CYSTM1: variants seen among roughly 807,000 people sequenced by gnomAD.
CYSTM1 encodes cysteine-rich transmembrane module-containing protein 1.
CYSTM1 carries 4 observed loss-of-function variants against 13.1 expected under a neutral mutation model. The observed-to-expected ratio is 0.31, with a 90% CI of 0.15 to 0.70. The LOEUF (loss-of-function observed/expected upper bound fraction) is 0.70. Ranked by LOEUF, CYSTM1 falls within the 30% of genes least tolerant of loss-of-function variation. The pLI, the probability that CYSTM1 is intolerant of heterozygous loss-of-function variation, is 0.72. For missense variants in CYSTM1, 96 were observed against 121.6 expected, an observed-to-expected ratio of 0.79 and a Z score of 0.99; for synonymous variants, 36 against 42.7, an observed-to-expected ratio of 0.84 and a Z score of 0.62.
chr5:140,214,650 T>C (rs1764407911), intron 2 of CYSTM1, among the ~76,000 whole-genome samples: 1 of 152,244 alleles, frequency 6.6e-6, no homozygotes, highest in Non-Finnish European at 1.5e-5. Context: ...GACACACATA[T>C]GCCTATTATC....
At chr5:140,216,923 G>T (rs928084224) in intron 2 of CYSTM1, among the ~76,000 whole-genome samples, 2 of 152,018 alleles carry the variant, frequency 1.3e-5, no homozygotes, top group African/African-American at 4.8e-5. Flanking sequence ...ACGCATTCTC[G>T]TTCTGGGGGT....
intron 1 of CYSTM1, among the ~76,000 whole-genome samples, chr5:140,180,923 A>C (rs923638440): frequency 1.6e-4 from 25 of 152,328 alleles, no homozygotes; most frequent in Middle Eastern, 3.4e-3. Flanking sequence ...TCCTATCACT[A>C]GTTTCCTGAT....
intron 2 of CYSTM1, among the ~76,000 whole-genome samples, chr5:140,227,016 G>A (rs1198501605): frequency 1.3e-5 from 2 of 152,232 alleles, no homozygotes; most frequent in Admixed American, 1.3e-4. Flanking sequence ...AGAAAGCGGA[G>A]TATGATGGAT....
chr5:140,205,107 A>T (rs1044545155), intron 2 of CYSTM1, among the ~76,000 whole-genome samples: 5 of 152,194 alleles, frequency 3.3e-5, no homozygotes, highest in African/African-American at 1.2e-4. Flanking sequence ...TATGTTGGGA[A>T]CTACCCAGTG....
At chr5:140,206,722 C>G (rs1314203042) in intron 2 of CYSTM1, among the ~76,000 whole-genome samples, 2 of 152,168 alleles carry the variant, frequency 1.3e-5, no homozygotes, top group East Asian at 3.8e-4. Flanking sequence ...CCTTGACTTC[C>G]TGGGCTCAAG....
chr5:140,242,770 C>T (rs1005110777), intron 2 of CYSTM1, among the ~76,000 whole-genome samples: 1 of 152,230 alleles, frequency 6.6e-6, no homozygotes, highest in Admixed American at 6.5e-5. Context: ...GGTTTTCATC[C>T]CTGCCTTCCT....
intron 1 of CYSTM1, among the ~76,000 whole-genome samples, chr5:140,181,014 T>C (rs1763954907): frequency 6.6e-6 from 1 of 152,190 alleles, no homozygotes; most frequent in Non-Finnish European, 1.5e-5. Context: ...CTAGGCATGC[T>C]TCTTATTCAG....
intron 2 of CYSTM1, among the ~76,000 whole-genome samples, chr5:140,233,393 C>T (rs1017556631): frequency 2.0e-5 from 3 of 152,170 alleles, no homozygotes; most frequent in Non-Finnish European, 2.9e-5. Flanking sequence ...TATTCATTCA[C>T]CTGTTGAAGG....
At chr5:140,190,154 G>T (rs1764073572) in intron 1 of CYSTM1, among the ~76,000 whole-genome samples, 1 of 152,116 alleles carries the variant, frequency 6.6e-6, no homozygotes, top group African/African-American at 2.4e-5. Context: ...TTTAAAGAAA[G>T]TTGAGACATG....
rs549237576 is a variant in CYSTM1, at chr5:140,215,188, A to G, written c.187+20536A>G. ...CACTCTCAGGAGAACTGTCTATACT[A>G]GTAGAATTTGGTGCCTTTTAAAAAA... On this transcript the variant is annotated intron_variant, in intron 2 of 2. Transcript: ENST00000261811. Among the ~76,000 whole-genome samples the G allele has an allele frequency of 2.0e-5, 3 of 152,348 alleles. No individual in the cohort carries two copies. The South Asian group carries it at 6.2e-4, about 32-fold the overall frequency.
At chr5:140,178,612 T>C (rs1763921561) in intron 1 of CYSTM1, among the ~76,000 whole-genome samples, 1 of 151,732 alleles carries the variant, frequency 6.6e-6, no homozygotes, top group African/African-American at 2.4e-5. Context: ...GTTTTTTTAA[T>C]TTTTTTGAGA....
At chr5:140,225,290 G>A (rs1680345866) in intron 2 of CYSTM1, among the ~76,000 whole-genome samples, 1 of 152,260 alleles carries the variant, frequency 6.6e-6, no homozygotes, top group African/African-American at 2.4e-5. Context: ...GGACTGGCAG[G>A]TGGTGTAGGC....
At chr5:140,205,873 G>A (rs1419072712) in intron 2 of CYSTM1, among the ~76,000 whole-genome samples, 1 of 152,082 alleles carries the variant, frequency 6.6e-6, no homozygotes, top group African/African-American at 2.4e-5. Context: ...CAGCTCCAAA[G>A]TCATCTCTCA....
chr5:140,221,059 C>G (rs1310632081), intron 2 of CYSTM1, among the ~76,000 whole-genome samples: 3 of 152,098 alleles, frequency 2.0e-5, no homozygotes, highest in Non-Finnish European at 2.9e-5. Flanking sequence ...AGTTTCTTAG[C>G]TATTTAGGAG....
intron 1 of CYSTM1, among the ~76,000 whole-genome samples, chr5:140,187,450 A>T (rs1196190897): frequency 6.6e-6 from 1 of 152,048 alleles, no homozygotes; most frequent in Admixed American, 6.6e-5. Flanking sequence ...CCTCAGCCTC[A>T]ATCTCCCAGG....
chr5:140,235,885 A>G (rs575787451), intron 2 of CYSTM1, among the ~76,000 whole-genome samples: 25 of 152,138 alleles, frequency 1.6e-4, no homozygotes, highest in Non-Finnish European at 3.7e-4. Context: ...GGAACTGCTT[A>G]TGCACTCATC....
intron 2 of CYSTM1, among the ~76,000 whole-genome samples, chr5:140,240,248 C>T (rs957475289): frequency 3.3e-5 from 5 of 151,968 alleles, no homozygotes; most frequent in African/African-American, 1.2e-4. Flanking sequence ...AATAGCATTC[C>T]AATTACAGAA....
intron 1 of CYSTM1, among the ~76,000 whole-genome samples, chr5:140,180,837 A>G (rs1239682207): frequency 2.0e-5 from 3 of 152,208 alleles, no homozygotes; most frequent in African/African-American, 7.2e-5. Flanking sequence ...AAGGGAGAAT[A>G]TTGATGGTCA....
At chr5:140,215,772 T>C (rs554574749) in intron 2 of CYSTM1, among the ~76,000 whole-genome samples, 1 of 152,186 alleles carries the variant, frequency 6.6e-6, no homozygotes, top group African/African-American at 2.4e-5. Context: ...TGTTAGTATG[T>C]TGGTGTAGGG....
Sources: gnomAD v4.1 joint callset for allele counts (sites outside exome capture counted in the v4.1 genomes callset) on GRCh38, gnomAD v4.1.1 for gene constraint, MANE v1.5 for transcripts, NCBI Gene and HGNC (gene_info 2026-07-23, HGNC 2026-07-21) for gene names.